NTM: variants seen among roughly 807,000 people sequenced by gnomAD.
The protein encoded by NTM is IgLON family member 2.
A neutral mutation model predicts 42.1 loss-of-function variants in NTM; 13 were observed. That is an observed-to-expected ratio of 0.31 (90% CI 0.20 to 0.49). The LOEUF (loss-of-function observed/expected upper bound fraction) is 0.49, where lower values mean the gene tolerates loss of function less well. Ranked by LOEUF, NTM falls within the 20% of genes least tolerant of loss-of-function variation. The probability of loss-of-function intolerance (pLI) is 0.99; values close to 1 mark genes in which losing one functional copy is unlikely to be tolerated. For missense variants in NTM, 373 were observed against 452.8 expected (o/e 0.82, Z 1.60); for synonymous variants, 187 against 179.2 (o/e 1.04, Z -0.35).
rs891249487 is a variant in NTM at position 132,273,905 on chromosome 11, C to T, written c.527-33784C>T. Among the ~76,000 whole-genome samples, 2 of 152,104 alleles carry T rather than the reference C, an allele frequency of 1.3e-5. 1 individual carries two copies. Among genetic ancestry groups the T allele is most frequent in the Non-Finnish European group, 2.9e-5 (2 of 68,006 alleles). ...CTGGGCAATAAGAGTGAAACTCCAT[C>T]TCAAAACAAAACAAAACAACAACAA... On this transcript the variant is annotated intron_variant, in intron 4 of 8. Coordinates refer to ENST00000683400, the MANE Select transcript of NTM (RefSeq NM_001352005.2).
intron 1 of NTM, among the ~76,000 whole-genome samples, chr11:131,882,081 C>T (rs1196247394): frequency 6.6e-6 from 1 of 152,102 alleles, no homozygotes; most frequent in Non-Finnish European, 1.5e-5. Flanking sequence ...GAGTGTCTTG[C>T]CTGTAGGAAA....
intron 1 of NTM, among the ~76,000 whole-genome samples, chr11:131,879,656 A>C (rs188863376): frequency 9.8e-5 from 15 of 152,314 alleles, no homozygotes; most frequent in African/African-American, 3.6e-4. Flanking sequence ...TTTTGAAAAA[A>C]ATACTTATTT....
intron 3 of NTM, among the ~76,000 whole-genome samples, chr11:132,156,564 C>T (rs779701777): frequency 6.6e-6 from 1 of 152,158 alleles, no homozygotes; most frequent in Non-Finnish European, 1.5e-5. Flanking sequence ...GGTCAGGGGG[C>T]CCGTATGCTT....
intron 1 of NTM, among the ~76,000 whole-genome samples, chr11:131,639,315 A>G (rs552469143): frequency 6.6e-6 from 1 of 152,364 alleles, no homozygotes; most frequent in South Asian, 2.1e-4. Context: ...GGGATTTACT[A>G]AGAAGTTGTT....
chr11:131,390,657 G>A (rs542684309), intron 1 of NTM, among the ~76,000 whole-genome samples: 63 of 152,244 alleles, frequency 4.1e-4, no homozygotes, highest in African/African-American at 1.5e-3. Flanking sequence ...GGGAAACAGT[G>A]GTAACCATCA....
At chr11:131,834,752 A>G (rs1372019991) in intron 1 of NTM, among the ~76,000 whole-genome samples, 1 of 151,766 alleles carries the variant, frequency 6.6e-6, no homozygotes, top group Non-Finnish European at 1.5e-5. Context: ...CAGTTCACAC[A>G]GCTACTTTAC....
At chr11:131,855,503 C>CA (rs1023770178) in intron 1 of NTM, among the ~76,000 whole-genome samples, 24 of 152,212 alleles carry the variant, frequency 1.6e-4, no homozygotes, top group African/African-American at 4.8e-4. Context: ...AGATAACACA[C>CA]AAAAAAACAA....
intron 7 of NTM, among the ~76,000 whole-genome samples, chr11:132,321,067 A>G (rs1232866124): frequency 1.3e-5 from 2 of 152,094 alleles, no homozygotes; most frequent in Admixed American, 6.5e-5. Context: ...AAAACCACAA[A>G]GATGGGGAAA....
At chr11:131,506,413 T>C (rs1408896503) in intron 1 of NTM, among the ~76,000 whole-genome samples, 1 of 152,182 alleles carries the variant, frequency 6.6e-6, no homozygotes, top group Non-Finnish European at 1.5e-5. Context: ...GGAGCACTAA[T>C]GGGATTCTAA....
chr11:132,054,779 G>A (rs2079367809), intron 2 of NTM, among the ~76,000 whole-genome samples: 2 of 152,216 alleles, frequency 1.3e-5, no homozygotes, highest in African/African-American at 4.8e-5. Context: ...TCTTGAGGGA[G>A]TACTGGTGGC....
chr11:132,274,350 A>G (rs2093626297), intron 4 of NTM, among the ~76,000 whole-genome samples: 1 of 151,958 alleles, frequency 6.6e-6, no homozygotes, highest in Non-Finnish European at 1.5e-5. Context: ...ATAGACATTT[A>G]TGGATATAAA....
chr11:132,211,391 C>G (rs1187510416), intron 3 of NTM, among the ~76,000 whole-genome samples: 1 of 152,146 alleles, frequency 6.6e-6, no homozygotes, highest in Non-Finnish European at 1.5e-5. Context: ...CAAAGTGAAA[C>G]CCTGTCTCAA....
At chr11:131,602,529 G>A (rs1410407256) in intron 1 of NTM, among the ~76,000 whole-genome samples, 2 of 152,178 alleles carry the variant, frequency 1.3e-5, no homozygotes. Flanking sequence ...CAATCAGATA[G>A]TGAAACTAAC....
intron 1 of NTM, among the ~76,000 whole-genome samples, chr11:131,452,935 G>T (rs984046698): frequency 1.1e-4 from 16 of 152,184 alleles, no homozygotes; most frequent in African/African-American, 3.6e-4. Context: ...AGTCCTTTGG[G>T]ACTGTGGAAT....
At chr11:132,329,259 T>C (rs2095751708) in intron 7 of NTM, among the ~76,000 whole-genome samples, 1 of 152,214 alleles carries the variant, frequency 6.6e-6, no homozygotes, top group South Asian at 2.1e-4. Context: ...GTCCTCTCTG[T>C]ATCCAGGGTG....
intron 1 of NTM, among the ~76,000 whole-genome samples, chr11:131,696,447 C>G (rs1216045266): frequency 1.3e-5 from 2 of 152,186 alleles, no homozygotes; most frequent in Admixed American, 1.3e-4. Flanking sequence ...GGGGCCTTCC[C>G]TTCTGCCCAC....
At chr11:131,653,165 AAG>A in intron 1 of NTM, among the ~76,000 whole-genome samples, 1 of 152,216 alleles carries the variant, frequency 6.6e-6, no homozygotes, top group East Asian at 1.9e-4. Context: ...GGCAGGAAAG[AAG>A]AGACTTCGGT....
chr11:131,798,354 A>G (rs2091803911), intron 1 of NTM, among the ~76,000 whole-genome samples: 2 of 152,172 alleles, frequency 1.3e-5, no homozygotes, highest in African/African-American at 4.8e-5. Context: ...AGGGAACAAC[A>G]TCTAGGAAAG....
At chr11:131,952,021 A>C (rs897874822) in intron 2 of NTM, among the ~76,000 whole-genome samples, 2 of 152,112 alleles carry the variant, frequency 1.3e-5, no homozygotes, top group Admixed American at 6.5e-5. Flanking sequence ...ACTCCTAACA[A>C]GTCTGATAAT....
Sources: allele counts gnomAD v4.1 joint callset (sites outside exome capture counted in the v4.1 genomes callset), GRCh38; gene constraint gnomAD v4.1.1; transcripts MANE v1.5; gene names NCBI Gene and HGNC (gene_info 2026-07-23, HGNC 2026-07-21).